The following MBLAC2 variants were observed in gnomAD, a reference collection of about 807,000 sequenced individuals.
MBLAC2 encodes the protein metallo-beta-lactamase domain containing 2.
In MBLAC2, 24 loss-of-function variants were observed where a neutral mutation model predicts 23.3. That is an observed-to-expected ratio of 1.03 (90% CI 0.75 to 1.45). The LOEUF is 1.45. MBLAC2 is among the 40% of genes most tolerant of loss of function. The pLI, the probability that MBLAC2 is intolerant of heterozygous loss-of-function variation, is 0.00. For synonymous variants in MBLAC2, 162 were observed against 150.9 expected, an observed-to-expected ratio of 1.07 and a Z score of -0.54; for missense variants, 358 against 370.0, an observed-to-expected ratio of 0.97 and a Z score of 0.27.
intron 1 of MBLAC2, 188 bp downstream of exon 1, chr5:90,473,651 G>C: frequency 1.4e-6 from 1 of 705,954 alleles, no homozygotes. Flanking sequence ...CTCTGGCAGG[G>C]AAGGCTGTGA....
At chr5:90,473,812 G>C (rs1486873198) in intron 1 of MBLAC2, 27 bp downstream of exon 1, 2 of 1,550,312 alleles carry the variant, frequency 1.3e-6, no homozygotes, top group African/African-American at 2.7e-5. Context: ...CCCTTAACGA[G>C]AGCGCGCGCC....
Position 90,461,429 on chromosome 5 carries a change from T to C in MBLAC2, c.578A>G (p.Asp193Gly). The change falls in exon 2 of 2, where the codon GAT becomes GGT. Residue 193 changes from aspartate (D) to glycine (G), a missense_variant. Coordinates refer to ENST00000316610, the MANE Select transcript of MBLAC2 (RefSeq NM_203406.2). ...KILFSGDVVY[D>G]GSLIDWLPYS... The stretch of plus-strand genomic sequence containing the variant: ...TGGGAGCCAGTCAATCAGTGATCCA[T>C]CATACACGACGTCTCCACTGAAGAG... 1 of 1,614,138 alleles carries C rather than the reference T, an allele frequency of 6.2e-7. No homozygotes were observed. The highest frequency in any genetic ancestry group is 8.5e-7 in the Non-Finnish European group (1 of 1,180,010).
At position 90,461,352 on chromosome 5, in the gene MBLAC2, C is replaced by T; in HGVS notation, c.655G>A (p.Val219Met). Residue 219 changes from valine (V) to methionine (M), a missense_variant, in exon 2 of 2, where the codon GTG becomes ATG. Physicochemically the swap from Val to Met is conservative, Grantham distance 21. Transcript: ENST00000316610. Reference protein sequence around the residue: ...VGTCERLIELVDRGLVEKVLP... With the variant: ...VGTCERLIELMDRGLVEKVLP... The stretch of plus-strand genomic sequence containing the variant: ...ACCTTCTCTACCAGACCTCTGTCCA[C>T]TAATTCTATTAGACGTTCACAAGTT... 6.2e-7 allele frequency: 1 copy of T among 1,614,172 alleles called. No individual in the cohort carries two copies. Among genetic ancestry groups the T allele is most frequent in the Non-Finnish European group, 8.5e-7 (1 of 1,180,014 alleles).
rs1258639229 is a variant in MBLAC2, at chr5:90,459,712, G to A, written c.*1455C>T. 4 of 152,254 alleles carry A rather than the reference G, an allele frequency of 2.6e-5. No individual in the cohort carries two copies. The highest frequency in any genetic ancestry group is 9.7e-5 in the African/African-American group (4 of 41,410). The allele number at this position is 152,254 out of a possible 1,614,324, so 9.4% of individuals were successfully genotyped here. On this transcript the variant is annotated 3_prime_UTR_variant, in exon 2 of 2. Coordinates refer to ENST00000316610, the MANE Select transcript of MBLAC2 (RefSeq NM_203406.2). ...TCTTTGACTTTTTTTAGCCTCCACA[G>A]TGTTTAGCGCTGTGCTACACATGTA... is the stretch of plus-strand genomic sequence containing the variant.
chr5:90,474,358 C>A lies in MBLAC2; in HGVS notation c.-66G>T. The A allele has an allele frequency of 7.0e-7, 1 of 1,433,238 alleles. No individual in the cohort carries two copies. The highest frequency in any genetic ancestry group is 9.7e-7 in the Non-Finnish European group (1 of 1,027,814). 88.8% of individuals were successfully genotyped at this position (1,433,238 alleles called of 1,614,324 possible). On this transcript the variant is annotated 5_prime_UTR_variant, in exon 1 of 2. Transcript: ENST00000316610. Reference sequence around the variant, plus strand: ...GCGAGTCTCCCACAGGCTGTCCACACACAGGGCACTGCGGCTGTGTGAAGC... The same window carrying A: ...GCGAGTCTCCCACAGGCTGTCCACAAACAGGGCACTGCGGCTGTGTGAAGC...
Position 90,474,200 on chromosome 5 carries a change from G to A in MBLAC2, c.93C>T (p.Asn31=). The change falls in exon 1 of 2, where the codon AAC becomes AAT. Residue 31 remains asparagine (N), a synonymous_variant. Transcript: ENST00000316610. The part of the protein sequence containing the change: ...ERFYESGNRA[N]IWLVRGSEQD... ...GCTCGGAGCCGCGCACCAGCCAGAT[G>A]TTGGCACGGTTGCCCGACTCGTAGA... 6.2e-7 allele frequency: 1 copy of A among 1,611,658 alleles called. No individual in the cohort carries two copies. The highest frequency in any genetic ancestry group is 8.5e-7 in the Non-Finnish European group (1 of 1,178,958).
chr5:90,463,382 C>T (rs531437333), intron 1 of MBLAC2, among the ~76,000 whole-genome samples: 7 of 152,262 alleles, frequency 4.6e-5, no homozygotes, highest in Middle Eastern at 3.4e-3. Flanking sequence ...TGAGCTACTG[C>T]GCCCAACCTT....
At chr5:90,466,490 C>T (rs528252135) in intron 1 of MBLAC2, among the ~76,000 whole-genome samples, 14 of 152,170 alleles carry the variant, frequency 9.2e-5, no homozygotes, top group African/African-American at 2.4e-4. Flanking sequence ...TCATAAAACA[C>T]GAGACAAAAA....
chr5:90,461,945 C>T (rs1750375242), intron 1 of MBLAC2, among the ~76,000 whole-genome samples: 2 of 152,194 alleles, frequency 1.3e-5, no homozygotes, highest in South Asian at 4.1e-4. Context: ...TATAGTTGTA[C>T]AATTTCTCAA....
In MBLAC2 at chr5:90,458,518, T is replaced by C. The variant is rs1020027201; in HGVS notation, c.*2649A>G. 1 of 152,234 alleles carries C rather than the reference T, an allele frequency of 6.6e-6. No homozygotes were observed. The highest frequency in any genetic ancestry group is 1.5e-5 in the Non-Finnish European group (1 of 68,022). The allele number at this position is 152,234 out of a possible 1,614,324, so 9.4% of individuals were successfully genotyped here. ...CATACTAATATTTCCAAAAATCATT[T>C]AAGTTACAAGGGTCACTGTCAGGGT... is the stretch of plus-strand genomic sequence containing the variant. On this transcript the variant is annotated 3_prime_UTR_variant, in exon 2 of 2. Transcript: ENST00000316610.
rs777298021 is a variant in MBLAC2, at chr5:90,474,049, T to C, written c.244A>G (p.Thr82Ala). 1 of 1,588,256 alleles carries C rather than the reference T, an allele frequency of 6.3e-7. No homozygotes were observed. The highest frequency in any genetic ancestry group is 1.1e-5 in the South Asian group (1 of 87,514). ...AARRPLLAVA[T>A]HVHFDHSGGL... ...CCGGAGTGGTCGAAGTGCACGTGGG[T>C]GGCCACGGCAAGCAGTGGCCGGCGC... The change falls in exon 1 of 2, where the codon ACC becomes GCC. Residue 82 changes from threonine (T) to alanine (A), a missense_variant. Transcript: ENST00000316610.
intron 1 of MBLAC2, among the ~76,000 whole-genome samples, chr5:90,465,922 A>G (rs1750438581): frequency 6.6e-6 from 1 of 152,242 alleles, no homozygotes. Flanking sequence ...TGGCCAGTAA[A>G]AATTCAACAT....
chr5:90,474,452 AG>A lies in MBLAC2; in HGVS notation c.-161del. On this transcript the variant is annotated 5_prime_UTR_variant, in exon 1 of 2. Coordinates refer to ENST00000316610, the MANE Select transcript of MBLAC2 (RefSeq NM_203406.2). ...CGTGGGATGCGGGGGTCGGAATAGG[AG>A]GAGGAAGGACGCAGACCGACGCTGC... The A allele has an allele frequency of 3.0e-6, 2 of 664,542 alleles. No homozygotes were observed. Among genetic ancestry groups the A allele is most frequent in the African/African-American group, 1.8e-5 (1 of 54,772 alleles). The allele number at this position is 664,542 out of a possible 1,614,324, so 41.2% of individuals were successfully genotyped here.
intron 1 of MBLAC2, among the ~76,000 whole-genome samples, chr5:90,468,439 C>T (rs1452388130): frequency 2.0e-5 from 3 of 151,828 alleles, no homozygotes; most frequent in Admixed American, 2.0e-4. Context: ...ATTCAAAAGC[C>T]ATGTCTTTGA....
rs769231029 is a variant in MBLAC2 at position 90,458,535 on chromosome 5, T to C, written c.*2632A>G. The stretch of plus-strand genomic sequence containing the variant: ...AAATCATTTAAGTTACAAGGGTCAC[T>C]GTCAGGGTGAAAATATATTTTGAAA... On this transcript the variant is annotated 3_prime_UTR_variant, in exon 2 of 2. Transcript: ENST00000316610. 45 of 152,222 alleles carry C rather than the reference T, an allele frequency of 3.0e-4. 1 individual carries two copies. The highest frequency in any genetic ancestry group is 3.5e-4 in the Non-Finnish European group (24 of 68,024). The allele number at this position is 152,222 out of a possible 1,614,324, so 9.4% of individuals were successfully genotyped here.
intron 1 of MBLAC2, among the ~76,000 whole-genome samples, chr5:90,463,128 G>A (rs1031817439): frequency 4.6e-5 from 7 of 152,186 alleles, no homozygotes; most frequent in South Asian, 2.1e-4. Context: ...CTCTCGCCCC[G>A]GCTGGAGTGC....
In MBLAC2 at chr5:90,473,834, A is replaced by G. The variant is rs1425394045; in HGVS notation, c.454+5T>C. The G allele has an allele frequency of 2.5e-6, 4 of 1,572,540 alleles. No individual in the cohort carries two copies. Among genetic ancestry groups the G allele is most frequent in the Non-Finnish European group, 3.5e-6 (4 of 1,158,980 alleles). ...CGAGAGCGCGCGCCCGCGGGGGCCC[A>G]TTACCATCCTGCAGGATGAGGGTGG... On this transcript the variant is annotated splice_donor_5th_base_variant and intron_variant, in intron 1 of 1. Coordinates refer to ENST00000316610, the MANE Select transcript of MBLAC2 (RefSeq NM_203406.2).
At chr5:90,466,887 C>T (rs1048825336) in intron 1 of MBLAC2, among the ~76,000 whole-genome samples, 2 of 152,104 alleles carry the variant, frequency 1.3e-5, no homozygotes, top group African/African-American at 4.8e-5. Context: ...CCTGTAATAC[C>T]AGCAATTTGG....
At position 90,474,069 on chromosome 5, in the gene MBLAC2, C is replaced by A. The variant is rs373507317; in HGVS notation, c.224G>T (p.Arg75Leu). 50 of 1,576,338 alleles carry A rather than the reference C, an allele frequency of 3.2e-5. No individual in the cohort carries two copies. In the Middle Eastern group the frequency reaches 1.3e-3, roughly 42 times the overall value. ...DREAKEDAAR[R>L]PLLAVATHVH... is the part of the protein sequence containing the mutation. ...GTGGGTGGCCACGGCAAGCAGTGGC[C>A]GGCGCGCCGCGTCCTCTTTGGCCTC... The change falls in exon 1 of 2, where the codon CGG becomes CTG. Residue 75 changes from arginine to leucine, a missense_variant. By Grantham distance (102) the Arg-to-Leu change is moderately radical. Coordinates refer to ENST00000316610, the MANE Select transcript of MBLAC2 (RefSeq NM_203406.2).
Sources: allele counts gnomAD v4.1 joint callset (sites outside exome capture counted in the v4.1 genomes callset), GRCh38; gene constraint gnomAD v4.1.1; transcripts MANE v1.5; gene names NCBI Gene and HGNC (gene_info 2026-07-23, HGNC 2026-07-21).